The following MDN1 variants were observed in gnomAD, a reference collection of about 807,000 sequenced individuals.
MDN1 encodes midasin.
MDN1 carries 266 observed loss-of-function variants against 669.2 expected under a neutral mutation model. The ratio of observed to expected loss-of-function variants is 0.40; its 90% CI spans 0.36 to 0.44. The LOEUF is 0.44. Among genes scored for constraint, MDN1 ranks in the 20% least tolerant of loss-of-function variants. MDN1 has a pLI of 1.00. For missense variants in MDN1, 5,940 were observed against 6,754.0 expected (o/e 0.88, Z 4.22); for synonymous variants, 2,385 against 2,457.1 (o/e 0.97, Z 0.87).
chr6:89,803,583 A>AAT, intron 1 of MDN1, 29 bp from the exon 2 acceptor site: 1 of 1,384,616 alleles, frequency 7.2e-7, no homozygotes, highest in Non-Finnish European at 9.8e-7. Flanking sequence ...AACATCTTTC[A>AAT]CTTTTTTTTT....
At position 89,674,454 on chromosome 6, in the gene MDN1, G is replaced by A; in HGVS notation, c.12897C>T (p.Ile4299=). 1 of 1,613,956 alleles carries A rather than the reference G, an allele frequency of 6.2e-7. No individual in the cohort carries two copies. ...GGAGCCAGGAGAGCTGCTCAAGCAG[G>A]ATCTGGCACTGCATGGCCAGGTGCT... ...RLQHLAMQCQ[I]LLEQLSWLLQ... is the part of the protein sequence containing the mutation. The change falls in exon 79 of 102, where the codon ATC becomes ATT. Residue 4299 remains isoleucine, a synonymous_variant. Coordinates refer to ENST00000369393, the MANE Select transcript of MDN1 (RefSeq NM_014611.3).
chr6:89,658,690 G>A lies in MDN1; in HGVS notation c.14941C>T (p.Gln4981Ter). ...HPEEHSEEQQQSVEEKDKEAD... is the reference protein window; with the variant it reads ...HPEEHSEEQQ ...TCCTTGTCTTTTTCCTCCACAGACT[G>A]CTGCTGCTCCTCAGAGTGTTCTTCA... The change falls in exon 89 of 102, where the codon CAG becomes TAG. Residue 4981 changes from glutamine to a stop codon, truncating the protein, a stop_gained. Coordinates refer to ENST00000369393, the MANE Select transcript of MDN1 (RefSeq NM_014611.3). LOFTEE classifies it high-confidence loss of function. The A allele has an allele frequency of 1.2e-6, 2 of 1,613,574 alleles. No homozygotes were observed. The highest frequency in any genetic ancestry group is 1.7e-6 in the Non-Finnish European group (2 of 1,179,494).
chr6:89,646,637 C>T (rs751776160), intron 99 of MDN1, 34 bp from the exon 100 acceptor site: 2 of 1,561,398 alleles, frequency 1.3e-6, no homozygotes, highest in South Asian at 1.1e-5. Context: ...AATTAGAAAA[C>T]TATGTGAATG....
At chr6:89,776,555 T>A (rs1321398149) in intron 12 of MDN1, 45 bp downstream of exon 12, 3 of 1,473,932 alleles carry the variant, frequency 2.0e-6, no homozygotes, top group East Asian at 2.3e-5. Flanking sequence ...AAGCAAAAAA[T>A]CCTAGCCTCC....
chr6:89,644,249 G>C, intron 101 of MDN1, 56 bp from the exon 102 acceptor site: 2 of 1,428,114 alleles, frequency 1.4e-6, no homozygotes, highest in East Asian at 4.6e-5. Context: ...AGCATCCTTA[G>C]CTAGCTCTTC....
rs747029274 is a variant in MDN1 at position 89,712,606 on chromosome 6, T to C, written c.7399A>G (p.Arg2467Gly). ...DGQILVYCLN[R>G]MSMKTSSWTR... ...CAGCTGCTGGTTTTCATGCTCATCC[T>C]GTTGAGACAATATACTAAGATCTGT... Residue 2467 changes from arginine (R) to glycine (G), a missense_variant, in exon 48 of 102, where the codon AGG (arginine) becomes GGG (glycine). Around this residue, in one of 5 missense-constraint regions of MDN1, gnomAD observed 2,292 missense variants for 2,638.3 expected, o/e 0.87. Coordinates refer to ENST00000369393, the MANE Select transcript of MDN1 (RefSeq NM_014611.3). 1 of 1,614,218 alleles carries C rather than the reference T, an allele frequency of 6.2e-7. No homozygotes were observed. The highest frequency in any genetic ancestry group is 8.5e-7 in the Non-Finnish European group (1 of 1,180,026).
At chr6:89,708,425 G>C (rs1813665328) in intron 51 of MDN1, 71 bp downstream of exon 51, 3 of 1,558,248 alleles carry the variant, frequency 1.9e-6, no homozygotes, top group South Asian at 2.4e-5. Context: ...CTATTTGACA[G>C]ATTCTTAGGA....
chr6:89,697,773 G>A (rs750201580), intron 59 of MDN1, among the ~76,000 whole-genome samples: 4 of 151,832 alleles, frequency 2.6e-5, no homozygotes, highest in Non-Finnish European at 5.9e-5. Context: ...GTAGAGACAG[G>A]GTTTCACCAT....
chr6:89,704,661 A>G (rs1813401482), intron 53 of MDN1, among the ~76,000 whole-genome samples: 1 of 152,160 alleles, frequency 6.6e-6, no homozygotes, highest in African/African-American at 2.4e-5. Flanking sequence ...ATCTCGACTC[A>G]CTGCAACTTC....
At chr6:89,769,338 T>C (rs577360674) in intron 15 of MDN1, among the ~76,000 whole-genome samples, 49 of 152,336 alleles carry the variant, frequency 3.2e-4, no homozygotes, top group African/African-American at 1.2e-3. Flanking sequence ...TAAAAGATTT[T>C]ATTTAAATCT....
At position 89,754,113 on chromosome 6, in the gene MDN1, T is replaced by A. The variant is rs772467911; in HGVS notation, c.2934A>T (p.Pro978=). The change falls in exon 21 of 102, where the codon CCA becomes CCT. Residue 978 remains proline, a synonymous_variant. Coordinates refer to ENST00000369393, the MANE Select transcript of MDN1 (RefSeq NM_014611.3). The part of the protein sequence containing the change: ...CRALRFAASN[P]CGNIQRSLYE... ...AGAGTGAGCGCTGAATGTTGCCACA[T>A]GGATTGGAGGCTGCAAATCGCAGGG... The A allele has an allele frequency of 2.5e-6, 4 of 1,613,964 alleles. No individual in the cohort carries two copies. Among genetic ancestry groups the A allele is most frequent in the Non-Finnish European group, 3.4e-6 (4 of 1,179,948 alleles).
chr6:89,690,920 A>T (rs1812338831), intron 63 of MDN1, 86 bp from the exon 64 acceptor site: 1 of 1,460,852 alleles, frequency 6.8e-7, no homozygotes, highest in Admixed American at 2.2e-5. Flanking sequence ...TTCTCATGAA[A>T]ATGAAAGTAT....
chr6:89,742,278 T>C (rs1316830821), intron 31 of MDN1, among the ~76,000 whole-genome samples: 3 of 152,162 alleles, frequency 2.0e-5, no homozygotes, highest in Admixed American at 6.5e-5. Flanking sequence ...CTGGGCCTGA[T>C]GGCACACATG....
chr6:89,653,965 T>C (rs1370286172), intron 93 of MDN1, among the ~76,000 whole-genome samples, 199 bp downstream of exon 93: 1 of 152,210 alleles, frequency 6.6e-6, no homozygotes, highest in Non-Finnish European at 1.5e-5. Context: ...TAAAGGATGG[T>C]GTCCTGCAAC....
chr6:89,666,593 A>G lies in MDN1; in HGVS notation c.14094+1421T>C, dbSNP rs77997051. 1.1e-4 allele frequency among the ~76,000 whole-genome samples: 16 copies of G among 152,210 alleles called. No homozygotes were observed. The East Asian group carries it at 2.9e-3, about 28-fold the overall frequency. ...AGCAATCCTCCTGCCTTGGTCTCCCAAAGTGCTAGGAATCCAGGCGTTAGC... is the reference window on the plus strand; with the variant it reads ...AGCAATCCTCCTGCCTTGGTCTCCCGAAGTGCTAGGAATCCAGGCGTTAGC... On this transcript the variant is annotated intron_variant, in intron 84 of 101. Transcript: ENST00000369393.
chr6:89,707,447 C>A lies in MDN1; in HGVS notation c.7928G>T (p.Arg2643Leu). Reference sequence around the variant, plus strand: ...AACCAAATTTGCTTCAGTAAAAACCCGTTTTTCCCGGTCAAGATATATGAT... The same window carrying A: ...AACCAAATTTGCTTCAGTAAAAACCAGTTTTTCCCGGTCAAGATATATGAT... ...KTIIYLDREK[R>L]VFTEANLVSV... The change falls in exon 52 of 102, where the codon CGG becomes CTG. Residue 2643 changes from arginine to leucine, a missense_variant. Transcript: ENST00000369393. 1 of 1,613,306 alleles carries A rather than the reference C, an allele frequency of 6.2e-7. No individual in the cohort carries two copies. Among genetic ancestry groups the A allele is most frequent in the South Asian group, 1.1e-5 (1 of 91,056 alleles).
chr6:89,752,292 C>T (rs1816997516), intron 22 of MDN1, among the ~76,000 whole-genome samples: 1 of 152,064 alleles, frequency 6.6e-6, no homozygotes, highest in African/African-American at 2.4e-5. Context: ...TTCTATCACA[C>T]CCTGAGGCAT....
intron 1 of MDN1, among the ~76,000 whole-genome samples, chr6:89,805,293 C>A (rs575719329): frequency 2.6e-4 from 39 of 152,064 alleles, no homozygotes; most frequent in African/African-American, 8.0e-4. Flanking sequence ...TGTAATCCCA[C>A]CACTTTGGAA....
chr6:89,730,269 T>C (rs1815505595), intron 35 of MDN1, among the ~76,000 whole-genome samples: 1 of 152,188 alleles, frequency 6.6e-6, no homozygotes, highest in Non-Finnish European at 1.5e-5. Flanking sequence ...CTGTGAGGCC[T>C]AAATGTCAGA....
Sources: gnomAD v4.1 joint callset for allele counts (sites outside exome capture counted in the v4.1 genomes callset) on GRCh38, gnomAD v4.1.1 for gene constraint, gnomAD v4.1.1 regional missense constraint, MANE v1.5 for transcripts, NCBI Gene and HGNC (gene_info 2026-07-23, HGNC 2026-07-21) for gene names.